NEURL4: variants seen among roughly 807,000 people sequenced by gnomAD.
The protein encoded by NEURL4 is neuralized E3 ubiquitin protein ligase 4, also known as neuralized-like protein 4.
NEURL4 carries 45 observed loss-of-function variants against 148.0 expected under a neutral mutation model. The observed-to-expected ratio is 0.30, with a 90% CI of 0.24 to 0.39. The LOEUF (loss-of-function observed/expected upper bound fraction) is 0.39, where lower values mean the gene tolerates loss of function less well. Ranked by LOEUF, NEURL4 falls within the 10% of genes least tolerant of loss-of-function variation. NEURL4 has a pLI of 1.00. For missense variants in NEURL4, 1,776 were observed against 2,144.0 expected (o/e 0.83, Z 3.39); for synonymous variants, 854 against 869.0 (o/e 0.98, Z 0.30).
chr17:7,328,108 C>T (rs953565801), intron 1 of NEURL4, among the ~76,000 whole-genome samples: 1 of 152,228 alleles, frequency 6.6e-6, no homozygotes, highest in Admixed American at 6.5e-5. Context: ...CCTTTCCAAG[C>T]CAAGCACAAA....
In NEURL4 at chr17:7,321,550, G is replaced by A; in HGVS notation, c.3099+10C>T. The A allele has an allele frequency of 6.2e-7, 1 of 1,613,772 alleles. No individual in the cohort carries two copies. The highest frequency in any genetic ancestry group is 8.5e-7 in the Non-Finnish European group (1 of 1,179,786). Reference sequence around the variant, plus strand: ...AACCCCTCCCCTGTCCCTGGAGCCAGCCACTTCACCCCCAGCCTCTCTAGG... The same window carrying A: ...AACCCCTCCCCTGTCCCTGGAGCCAACCACTTCACCCCCAGCCTCTCTAGG... On this transcript the variant is annotated intron_variant, in intron 18 of 28. Coordinates refer to ENST00000399464, the MANE Select transcript of NEURL4 (RefSeq NM_032442.3). This position sits in a 1 kb window ranked among gnomAD's most constrained non-coding sequence, Gnocchi z 6.3.
Position 7,315,783 on chromosome 17 carries a change from G to C in NEURL4, c.*340C>G, listed in dbSNP as rs891924875. 1.9e-6 allele frequency: 1 copy of C among 514,022 alleles called. No individual in the cohort carries two copies. Among genetic ancestry groups the C allele is most frequent in the Non-Finnish European group, 3.4e-6 (1 of 291,558 alleles). 31.8% of individuals were successfully genotyped at this position (514,022 alleles called of 1,614,324 possible). A position where few individuals can be genotyped will look rare whatever the true frequency, so the allele number is the denominator to read the frequency against. On this transcript the variant is annotated 3_prime_UTR_variant, in exon 29 of 29. Coordinates refer to ENST00000399464, the MANE Select transcript of NEURL4 (RefSeq NM_032442.3). Reference sequence around the variant, plus strand: ...TGGGCACAGGGAGAGACTCCTCTGGGATTCACAGTAACCAGAAACAAAAAC... The same window carrying C: ...TGGGCACAGGGAGAGACTCCTCTGGCATTCACAGTAACCAGAAACAAAAAC...
chr17:7,320,919 T>A lies in NEURL4; in HGVS notation c.3365A>T (p.Gln1122Leu). 6.2e-7 allele frequency: 1 copy of A among 1,613,976 alleles called. No homozygotes were observed. Among genetic ancestry groups the A allele is most frequent in the South Asian group, 1.1e-5 (1 of 91,052 alleles). The stretch of plus-strand genomic sequence containing the variant: ...GGTGGGTATAATACCCACTTCATTC[T>A]GGCCCTGGTGTGGAGGAAGGGACTG... The part of the protein sequence containing the change: ...DEGEEHGLGG[Q>L]NEVGIIPTTL... Residue 1122 changes from glutamine to leucine, a missense_variant, in exon 21 of 29, where the codon CAG becomes CTG. By Grantham distance (113) the Gln-to-Leu change is moderately radical (BLOSUM62 -2). Coordinates refer to ENST00000399464, the MANE Select transcript of NEURL4 (RefSeq NM_032442.3).
rs763337250 is a variant in NEURL4, at chr17:7,324,990, C to T, written c.1632-10G>A. ...GAAGTCATCGGTGGCACTGAGGGCA[C>T]AGCAAGTGGAGAGTCAGATCCCCAA... On this transcript the variant is annotated splice_polypyrimidine_tract_variant and intron_variant, in intron 8 of 28. Transcript: ENST00000399464. The surrounding 1 kb of genome is among the most constrained non-coding windows in gnomAD (Gnocchi z 5.9). 2.6e-5 allele frequency: 42 copies of T among 1,613,480 alleles called. No homozygotes were observed. Among genetic ancestry groups the T allele is most frequent in the Non-Finnish European group, 3.4e-5 (40 of 1,179,654 alleles).
In NEURL4 at chr17:7,321,967, G is replaced by A. The variant is rs376986944; in HGVS notation, c.2769C>T (p.Asn923=). ...AHRFHSTCGK[N]VTLEEDGTRA... ...TCGTGCCATCCTCCTCTAGAGTGAC[G>A]TTCTTGCCGCAAGTACTGTGGAATC... is the stretch of plus-strand genomic sequence containing the variant. The change falls in exon 17 of 29, where the codon AAC becomes AAT. Residue 923 remains asparagine (N), a synonymous_variant. Transcript: ENST00000399464. The surrounding 1 kb of genome is among the most constrained non-coding windows in gnomAD (Gnocchi z 6.3). The A allele has an allele frequency of 1.1e-4, 179 of 1,612,912 alleles. No individual in the cohort carries two copies. Among genetic ancestry groups the A allele is most frequent in the African/African-American group, 1.6e-4 (12 of 74,906 alleles).
Position 7,324,502 on chromosome 17 carries a change from G to C in NEURL4, c.1814-22C>G. ...GTCCCTGGGAGGACAAGGAGCAGGA[G>C]GGGACATGAGGGGAAATGCAGGGCT... On this transcript the variant is annotated intron_variant, in intron 9 of 28. Coordinates refer to ENST00000399464, the MANE Select transcript of NEURL4 (RefSeq NM_032442.3). The surrounding 1 kb of genome is among the most constrained non-coding windows in gnomAD (Gnocchi z 5.9). 2 of 1,600,654 alleles carry C rather than the reference G, an allele frequency of 1.2e-6. No homozygotes were observed. Among genetic ancestry groups the C allele is most frequent in the Non-Finnish European group, 1.7e-6 (2 of 1,167,834 alleles).
Position 7,322,709 on chromosome 17 carries a change from G to A in NEURL4, c.2725+26C>T, listed in dbSNP as rs1404114924. 24 of 1,604,696 alleles carry A rather than the reference G, an allele frequency of 1.5e-5. No individual in the cohort carries two copies. The highest frequency in any genetic ancestry group is 3.3e-5 in the South Asian group (3 of 91,032). ...GGTGCACAGCAGGCAAGCAGAGCCC[G>A]TCCAGCCCCCGCCCTGCTGCCGCAC... On this transcript the variant is annotated intron_variant, in intron 16 of 28. Transcript: ENST00000399464. The surrounding 1 kb of genome is among the most constrained non-coding windows in gnomAD (Gnocchi z 5.5).
Position 7,317,263 on chromosome 17 carries a change from C to T in NEURL4, c.4426G>A (p.Val1476Met), listed in dbSNP as rs1188943229. 1.3e-6 allele frequency: 2 copies of T among 1,523,422 alleles called. No individual in the cohort carries two copies. The highest frequency in any genetic ancestry group is 2.8e-5 in the African/African-American group (2 of 71,956). The allele number at this position is 1,523,422 out of a possible 1,614,324, so 94.4% of individuals were successfully genotyped here. A position where few individuals can be genotyped will look rare whatever the true frequency, so the allele number is the denominator to read the frequency against. ...APPREEQPPPVLLSPSLQYAG... is the reference protein window; with the variant it reads ...APPREEQPPPMLLSPSLQYAG... ...TATTGAAGGGAGGGGGAAAGCAGCA[C>T]AGGAGGGGGCTGCTCCTCCCGAGGA... Residue 1476 changes from valine (V) to methionine (M), a missense_variant, in exon 28 of 29, where the codon GTG (valine) becomes ATG (methionine). Coordinates refer to ENST00000399464, the MANE Select transcript of NEURL4 (RefSeq NM_032442.3).
rs921202650 is a variant in NEURL4, at chr17:7,321,024, C to T, written c.3360+88G>A. 125 of 1,590,304 alleles carry T rather than the reference C, an allele frequency of 7.9e-5. No individual in the cohort carries two copies. The highest frequency in any genetic ancestry group is 1.0e-4 in the Non-Finnish European group (116 of 1,165,526). On this transcript the variant is annotated intron_variant, in intron 20 of 28. Transcript: ENST00000399464. The surrounding 1 kb of genome is among the most constrained non-coding windows in gnomAD (Gnocchi z 6.3). ...ATCCTGAGTGTGAGCCTCCACCCAA[C>T]GATCAGAGAACCCAGAAAAGGCCTG...
chr17:7,323,591 C>T (rs2073059655), intron 13 of NEURL4, 28 bp from the exon 14 acceptor site: 3 of 1,613,922 alleles, frequency 1.9e-6, no homozygotes, highest in South Asian at 2.2e-5. Flanking sequence ...TAAGTCAAGG[C>T]CGATCCCCAA....
rs2143012949 is a variant in NEURL4 at position 7,324,287 on chromosome 17, G to A, written c.1900-17C>T. 1 of 1,613,588 alleles carries A rather than the reference G, an allele frequency of 6.2e-7. No individual in the cohort carries two copies. Among genetic ancestry groups the A allele is most frequent in the South Asian group, 1.1e-5 (1 of 91,072 alleles). ...GTCCCCTGCCTTGGAAGAAGGGGGT[G>A]CTGGAGTGAGGAGTCAGGCAGAGTT... On this transcript the variant is annotated splice_polypyrimidine_tract_variant and intron_variant, in intron 10 of 28. Transcript: ENST00000399464. The surrounding 1 kb of genome is among the most constrained non-coding windows in gnomAD (Gnocchi z 5.9).
In NEURL4 at chr17:7,321,634, C is replaced by A; in HGVS notation, c.3025G>T (p.Val1009Leu). 1.9e-6 allele frequency: 3 copies of A among 1,614,088 alleles called. No individual in the cohort carries two copies. The highest frequency in any genetic ancestry group is 2.5e-6 in the Non-Finnish European group (3 of 1,180,040). The change falls in exon 18 of 29, where the codon GTA becomes TTA. Residue 1009 changes from valine (V) to leucine (L), a missense_variant. Transcript: ENST00000399464. This position sits in a 1 kb window ranked among gnomAD's most constrained non-coding sequence, Gnocchi z 6.3. ...TCACGCCTCACTTCACAGCTGGATA[C>A]CATCCAAGTGGTCTTCGTCCGGAGC... Reference protein sequence around the residue: ...PELRTKTTWMVSSCEVRRDGQ... With the variant: ...PELRTKTTWMLSSCEVRRDGQ...
intron 28 of NEURL4, 32 bp from the exon 29 acceptor site, chr17:7,316,359 C>G (rs757836310): frequency 2.5e-6 from 4 of 1,571,268 alleles, no homozygotes; most frequent in South Asian, 2.2e-5. Context: ...GGGAGTGAAG[C>G]CTCTCGCCCC....
In NEURL4 at chr17:7,322,664, C is replaced by T; in HGVS notation, c.2725+71G>A. 6.4e-7 allele frequency: 1 copy of T among 1,572,340 alleles called. No individual in the cohort carries two copies. The highest frequency in any genetic ancestry group is 8.6e-7 in the Non-Finnish European group (1 of 1,159,240). The stretch of plus-strand genomic sequence containing the variant: ...AACCGTCTTTGCAGAACCTCTCTAA[C>T]CTGGAAACCCTACTCCTCAGGTGCA... On this transcript the variant is annotated intron_variant, in intron 16 of 28. Transcript: ENST00000399464. The surrounding 1 kb of genome is among the most constrained non-coding windows in gnomAD (Gnocchi z 5.5).
chr17:7,327,574 T>C lies in NEURL4; in HGVS notation c.593A>G (p.Lys198Arg). Reference protein sequence around the residue: ...RVWAVVDLYGKCTQITVLPPE... With the variant: ...RVWAVVDLYGRCTQITVLPPE... Reference sequence around the variant, plus strand: ...GGGTAGCACGGTGATCTGGGTGCACTTGCCATAAAGGTCCACGACGGCCCA... The same window carrying C: ...GGGTAGCACGGTGATCTGGGTGCACCTGCCATAAAGGTCCACGACGGCCCA... The change falls in exon 2 of 29, where the codon AAG (lysine) becomes AGG (arginine). Residue 198 changes from lysine to arginine, a missense_variant. By Grantham distance (26) the Lys-to-Arg change is conservative (BLOSUM62 2). Transcript: ENST00000399464. This position sits in a 1 kb window ranked among gnomAD's most constrained non-coding sequence, Gnocchi z 6.6. 3.1e-6 allele frequency: 5 copies of C among 1,611,464 alleles called. No homozygotes were observed. The highest frequency in any genetic ancestry group is 3.4e-6 in the Non-Finnish European group (4 of 1,179,718).
chr17:7,316,543 C>T (rs1384079609), intron 28 of NEURL4, among the ~76,000 whole-genome samples: 4 of 152,204 alleles, frequency 2.6e-5, no homozygotes, highest in Admixed American at 2.0e-4. Flanking sequence ...CGAATCTCTC[C>T]CACCTTCTTA....
Position 7,326,393 on chromosome 17 carries a change from A to C in NEURL4, c.1204+44T>G. 1 of 1,613,608 alleles carries C rather than the reference A, an allele frequency of 6.2e-7. No homozygotes were observed. Among genetic ancestry groups the C allele is most frequent in the Non-Finnish European group, 8.5e-7 (1 of 1,179,570 alleles). ...TCGGGTACGGGGCTTCCTTCCCCTC[A>C]GCAACACCAGGCCTGCACCCCCGCC... is the stretch of plus-strand genomic sequence containing the variant. On this transcript the variant is annotated intron_variant, in intron 5 of 28. Transcript: ENST00000399464. The surrounding 1 kb of genome is among the most constrained non-coding windows in gnomAD (Gnocchi z 6.0).
In NEURL4 at chr17:7,323,111, G is replaced by A; in HGVS notation, c.2430C>T (p.Ile810=). 6.2e-7 allele frequency: 1 copy of A among 1,612,654 alleles called. No homozygotes were observed. Among genetic ancestry groups the A allele is most frequent in the Non-Finnish European group, 8.5e-7 (1 of 1,179,184 alleles). The change falls in exon 15 of 29, where the codon ATC becomes ATT. Residue 810 remains isoleucine (I), a synonymous_variant. Transcript: ENST00000399464. ...YDTWMLSGTA[I]MQDGNTMRNN... Reference sequence around the variant, plus strand: ...TGCGCATCGTGTTACCGTCTTGCATGATGGCTGTACCACTGGGGGGATGGC... The same window carrying A: ...TGCGCATCGTGTTACCGTCTTGCATAATGGCTGTACCACTGGGGGGATGGC...
rs1447762573 is a variant in NEURL4 at position 7,322,755 on chromosome 17, G to A, written c.2705C>T (p.Ser902Phe). The A allele has an allele frequency of 6.2e-7, 1 of 1,612,820 alleles. No homozygotes were observed. Among genetic ancestry groups the A allele is most frequent in the Admixed American group, 1.7e-5 (1 of 60,016 alleles). ...CGCACCTGGGGAGTGCAGTGGGAAG[G>A]ACTTCTCGGTGGCAGTGTTGCTGGT... The part of the protein sequence containing the change: ...LATSNTATEK[S>F]FPLHSPVAGV... Residue 902 changes from serine (S) to phenylalanine (F), a missense_variant, in exon 16 of 29, where the codon TCC (serine) becomes TTC (phenylalanine). By Grantham distance (155) the Ser-to-Phe change is radical (BLOSUM62 -2). Transcript: ENST00000399464. This position sits in a 1 kb window ranked among gnomAD's most constrained non-coding sequence, Gnocchi z 5.5.
Sources: gnomAD v4.1 joint callset for allele counts (sites outside exome capture counted in the v4.1 genomes callset) on GRCh38, gnomAD v4.1.1 for gene constraint, Gnocchi (gnomAD v3.1) non-coding constraint, MANE v1.5 for transcripts, NCBI Gene and HGNC (gene_info 2026-07-23, HGNC 2026-07-21) for gene names.